PARVB: variants seen among roughly 807,000 people sequenced by gnomAD.
PARVB encodes beta-parvin.
Under a neutral mutation model 47.0 loss-of-function variants are expected in PARVB, and 46 were observed. The ratio of observed to expected loss-of-function variants is 0.98; its 90% CI spans 0.77 to 1.25. PARVB has a LOEUF of 1.25. PARVB is among the 50% of genes most tolerant of loss of function. PARVB has a pLI of 0.00. For synonymous variants in PARVB, 196 were observed against 196.3 expected (o/e 1.00, Z 0.01); for missense variants, 473 against 471.6 (o/e 1.00, Z -0.03).
intron 4 of PARVB, among the ~76,000 whole-genome samples, chr22:44,122,943 G>A (rs886625959): frequency 5.3e-5 from 8 of 152,140 alleles, no homozygotes; most frequent in Non-Finnish European, 8.8e-5. Context: ...TCTATCACCA[G>A]TAATATTGTG....
chr22:44,094,404 A>G (rs738480), intron 2 of PARVB, among the ~76,000 whole-genome samples: 89,313 of 151,590 alleles, frequency 0.59, 26,618 homozygotes, highest in East Asian at 0.86. Flanking sequence ...GCCACACCAT[A>G]GCACACCATG....
intron 12 of PARVB, among the ~76,000 whole-genome samples, chr22:44,166,338 G>A (rs1349783552): frequency 1.3e-5 from 2 of 152,218 alleles, no homozygotes. Context: ...TTGAACTCCT[G>A]ACCTCAGGTG....
At chr22:44,151,593 A>G (rs1161388107) in intron 10 of PARVB, 42 bp downstream of exon 10, 1 of 1,477,538 alleles carries the variant, frequency 6.8e-7, no homozygotes, top group East Asian at 2.3e-5. Flanking sequence ...GTCCACCGCC[A>G]TTTTCAGTCA....
intron 4 of PARVB, among the ~76,000 whole-genome samples, 189 bp from the exon 5 acceptor site, chr22:44,131,298 C>T (rs765485434): frequency 1.3e-5 from 2 of 151,718 alleles, no homozygotes; most frequent in African/African-American, 2.4e-5. Flanking sequence ...TGCGCCACCA[C>T]GCCTGGCTAA....
chr22:44,033,222 AG>A (rs2050856125), intron 1 of PARVB, among the ~76,000 whole-genome samples: 1 of 152,010 alleles, frequency 6.6e-6, no homozygotes, highest in Non-Finnish European at 1.5e-5. Context: ...TTATATTTTT[AG>A]TAAAGACAGG....
rs1449983263 is a variant in PARVB at position 44,103,661 on chromosome 22, G to T, written c.273+3538G>T. 1 of 152,224 alleles carries T rather than the reference G, an allele frequency of 6.6e-6. No homozygotes were observed. The highest frequency in any genetic ancestry group is 2.4e-5 in the African/African-American group (1 of 41,458). The allele number at this position is 152,224 out of a possible 1,614,324, so 9.4% of individuals were successfully genotyped here. A position where few individuals can be genotyped will look rare whatever the true frequency, so the allele number is the denominator to read the frequency against. ...GAGGAGGTCATCCTGGATGATCCAG[G>T]CGGGCCCAGTGTGTTCGCTAGTGTC... On this transcript the variant is annotated intron_variant, in intron 3 of 12. Transcript: ENST00000338758. This position sits in a 1 kb window ranked among gnomAD's most constrained non-coding sequence, Gnocchi z 4.6.
chr22:44,095,923 G>A (rs887581400), intron 2 of PARVB, among the ~76,000 whole-genome samples: 12 of 152,152 alleles, frequency 7.9e-5, no homozygotes, highest in African/African-American at 2.7e-4. Flanking sequence ...CTCTCCCTCC[G>A]CTTAGAAGAG....
chr22:44,011,910 A>G lies in PARVB; in HGVS notation c.211+12237A>G, dbSNP rs566445662. On this transcript the variant is annotated intron_variant, in intron 2 of 13. Transcript: ENST00000406477. ...CTCAAATTGGGTGGGAGGAGAAAAT[A>G]AAAACCTTTCATTTTGCAAGCAGGT... is the stretch of plus-strand genomic sequence containing the variant. Among the ~76,000 whole-genome samples the G allele has an allele frequency of 7.9e-5, 12 of 152,312 alleles. No homozygotes were observed. In the South Asian group the frequency reaches 2.3e-3, roughly 29 times the overall value.
At chr22:44,021,090 T>G (rs1287018787), upstream of PARVB, among the ~76,000 whole-genome samples, 2 of 152,224 alleles carry the variant, frequency 1.3e-5, no homozygotes, top group African/African-American at 2.4e-5. Flanking sequence ...GCCCCCCTTT[T>G]GGGTTTTTAT....
In PARVB at chr22:44,099,621, A is replaced by T. The variant is rs144232116; in HGVS notation, c.203-432A>T. Among the ~76,000 whole-genome samples, 49 of 152,284 alleles carry T rather than the reference A, an allele frequency of 3.2e-4. No homozygotes were observed. The East Asian group carries it at 8.5e-3, about 26-fold the overall frequency. On this transcript the variant is annotated intron_variant, in intron 2 of 12. Coordinates refer to ENST00000338758, the MANE Select transcript of PARVB (RefSeq NM_013327.5). The stretch of plus-strand genomic sequence containing the variant: ...GATTCTTTTCCATGGAATGTACCAA[A>T]CATTTTCCATTTCATTATAACCATC...
At chr22:44,056,695 G>A (rs2051318257) in intron 1 of PARVB, among the ~76,000 whole-genome samples, 1 of 151,462 alleles carries the variant, frequency 6.6e-6, no homozygotes. Context: ...TTGTTGAGAT[G>A]GGGTTTCACT....
chr22:43,999,730 A>T, intron 2 of PARVB: 1 of 1,243,484 alleles, frequency 8.0e-7, no homozygotes. Flanking sequence ...GCAGTGGCTC[A>T]TGCCTGTAAC....
intron 3 of PARVB, chr22:44,106,868 A>T (rs1235109070): frequency 6.6e-6 from 1 of 152,160 alleles, no homozygotes; most frequent in Non-Finnish European, 1.5e-5. Context: ...CAGTCATTCA[A>T]AACTTGTCTC....
intron 2 of PARVB, among the ~76,000 whole-genome samples, chr22:44,001,402 A>G (rs1206416703): frequency 6.6e-6 from 1 of 152,248 alleles, no homozygotes; most frequent in Non-Finnish European, 1.5e-5. Context: ...CATTAAGTAC[A>G]CCTAACCTAC....
At chr22:44,030,950 G>T (rs987417553) in intron 1 of PARVB, among the ~76,000 whole-genome samples, 1 of 152,260 alleles carries the variant, frequency 6.6e-6, no homozygotes, top group Non-Finnish European at 1.5e-5. Flanking sequence ...GAAGTTGGGG[G>T]ATATAGACAG....
At chr22:44,033,692 T>C (rs1013090468) in intron 1 of PARVB, among the ~76,000 whole-genome samples, 1 of 152,246 alleles carries the variant, frequency 6.6e-6, no homozygotes, top group Non-Finnish European at 1.5e-5. Context: ...ATTTCTTTGC[T>C]TGTTCTCTTA....
rs76004253 is a variant in PARVB, at chr22:44,130,595, A to G, written c.377-892A>G. The stretch of plus-strand genomic sequence containing the variant: ...ATCTAATCTAACTTCCTATTGTGGC[A>G]TTAGAATGTTTAAGAAACAAGAATG... On this transcript the variant is annotated intron_variant, in intron 4 of 12. Coordinates refer to ENST00000338758, the MANE Select transcript of PARVB (RefSeq NM_013327.5). 8.7e-3 allele frequency among the ~76,000 whole-genome samples: 1,325 copies of G among 152,324 alleles called. 25 individuals carry two copies. Among genetic ancestry groups the G allele is most frequent in the African/African-American group, 0.03 (1,232 of 41,562 alleles).
chr22:44,099,016 C>T (rs761851099), intron 2 of PARVB, among the ~76,000 whole-genome samples: 1 of 152,156 alleles, frequency 6.6e-6, no homozygotes, highest in Non-Finnish European at 1.5e-5. Flanking sequence ...TCAGTGTCCC[C>T]AGCCCCATGG....
upstream of PARVB, among the ~76,000 whole-genome samples, chr22:44,021,158 G>A (rs937976978): frequency 6.6e-6 from 1 of 152,142 alleles, no homozygotes; most frequent in African/African-American, 2.4e-5. Flanking sequence ...AGTGTGATTG[G>A]ACAAAAACAG....
Sources: gnomAD v4.1 joint callset for allele counts (sites outside exome capture counted in the v4.1 genomes callset) on GRCh38, gnomAD v4.1.1 for gene constraint, Gnocchi (gnomAD v3.1) non-coding constraint, MANE v1.5 for transcripts, NCBI Gene and HGNC (gene_info 2026-07-23, HGNC 2026-07-21) for gene names.